The following CEP85L variants were observed in gnomAD, a reference collection of about 807,000 sequenced individuals.
CEP85L encodes centrosomal protein of 85 kDa-like.
Under a neutral mutation model 100.3 loss-of-function variants are expected in CEP85L, and 60 were observed. The observed-to-expected ratio is 0.60, with a 90% CI of 0.49 to 0.74. CEP85L has a LOEUF of 0.74. CEP85L is among the 30% of genes least tolerant of loss of function. The pLI is 0.00. For synonymous variants in CEP85L, 319 were observed against 322.7 expected (o/e 0.99, Z 0.12); for missense variants, 973 against 936.2 (o/e 1.04, Z -0.51).
At chr6:118,582,398 C>A (rs1052381124) in intron 2 of CEP85L, among the ~76,000 whole-genome samples, 3 of 152,184 alleles carry the variant, frequency 2.0e-5, no homozygotes, top group African/African-American at 7.2e-5. Context: ...AAGTCAGACC[C>A]TCACTGGGGC....
Position 118,483,657 on chromosome 6 carries a change from T to A in CEP85L, c.1590+49A>T, listed in dbSNP as rs141104866. The A allele has an allele frequency of 4.3e-3, 6,699 of 1,553,284 alleles. 22 individuals are homozygous for A. Among genetic ancestry groups the A allele is most frequent in the Non-Finnish European group, 4.9e-3 (5,590 of 1,146,332 alleles). Reference sequence around the variant, plus strand: ...AGTTAGCCAAATTTCTAGAGTCAAGTTAACATGTTTTCATGTCATTTAAAG... The same window carrying A: ...AGTTAGCCAAATTTCTAGAGTCAAGATAACATGTTTTCATGTCATTTAAAG... On this transcript the variant is annotated intron_variant, in intron 7 of 12. Coordinates refer to ENST00000368491, the MANE Select transcript of CEP85L (RefSeq NM_001042475.3).
At chr6:118,615,631 C>T (rs186915376) in intron 2 of CEP85L, among the ~76,000 whole-genome samples, 1 of 152,264 alleles carries the variant, frequency 6.6e-6, no homozygotes, top group African/African-American at 2.4e-5. Flanking sequence ...GGTTTTAGGC[C>T]ACTCCATATA....
chr6:118,687,643 C>T (rs1036122619), intron 1 of CEP85L, among the ~76,000 whole-genome samples: 2 of 152,188 alleles, frequency 1.3e-5, no homozygotes, highest in African/African-American at 4.8e-5. Flanking sequence ...ACAGCAACCC[C>T]CTTTGGGTCC....
chr6:118,648,387 CTTA>C (rs1775337304), intron 1 of CEP85L, among the ~76,000 whole-genome samples: 1 of 152,146 alleles, frequency 6.6e-6, no homozygotes, highest in South Asian at 2.1e-4. Context: ...TCAAACTACA[CTTA>C]TTATTCCTAT....
chr6:118,625,557 T>C (rs537423230), intron 2 of CEP85L, among the ~76,000 whole-genome samples: 47 of 152,290 alleles, frequency 3.1e-4, no homozygotes, highest in African/African-American at 1.1e-3. Flanking sequence ...ATTCTCTGAC[T>C]GGGGTGGCCC....
intron 5 of CEP85L, among the ~76,000 whole-genome samples, chr6:118,500,006 C>T (rs1319763939): frequency 6.6e-6 from 1 of 151,992 alleles, no homozygotes; most frequent in African/African-American, 2.4e-5. Context: ...AGAATCCATA[C>T]AAAAAAACTC....
At chr6:118,660,073 G>A (rs934468528) in intron 1 of CEP85L, among the ~76,000 whole-genome samples, 2 of 152,192 alleles carry the variant, frequency 1.3e-5, no homozygotes, top group African/African-American at 4.8e-5. Flanking sequence ...GTGTCTCCTT[G>A]TTTTCGTGGC....
rs142735277 is a variant in CEP85L at position 118,566,114 on chromosome 6, T to G, written c.435A>C (p.Leu145=). Reference sequence around the variant, plus strand: ...GAAGTGGCCGGAAGTCCTTCATGTCTAGGGAAGAGTCCTGCTCCCCCCTAC... The same window carrying G: ...GAAGTGGCCGGAAGTCCTTCATGTCGAGGGAAGAGTCCTGCTCCCCCCTAC... ...NHSRGEQDSS[L]DMKDFRPLRK... is the part of the protein sequence containing the mutation. Residue 145 remains leucine, a synonymous_variant, in exon 3 of 13, where the codon CTA becomes CTC. Coordinates refer to ENST00000368491, the MANE Select transcript of CEP85L (RefSeq NM_001042475.3). 595 of 1,614,206 alleles carry G rather than the reference T, an allele frequency of 3.7e-4. 1 individual carries two copies. In the African/African-American group the frequency reaches 7.3e-3, roughly 20 times the overall value.
At chr6:118,498,121 C>G (rs899634174) in intron 5 of CEP85L, among the ~76,000 whole-genome samples, 1 of 152,058 alleles carries the variant, frequency 6.6e-6, no homozygotes, top group Non-Finnish European at 1.5e-5. Context: ...TAAATGAAAA[C>G]TATAGGGCAA....
intron 2 of CEP85L, among the ~76,000 whole-genome samples, chr6:118,623,521 T>A (rs1380207891): frequency 6.6e-6 from 1 of 152,114 alleles, no homozygotes; most frequent in Non-Finnish European, 1.5e-5. Context: ...GAATACAATA[T>A]CACCTTCACT....
At chr6:118,647,795 CA>C (rs1239336107) in intron 1 of CEP85L, among the ~76,000 whole-genome samples, 3 of 152,170 alleles carry the variant, frequency 2.0e-5, no homozygotes, top group South Asian at 2.1e-4. Flanking sequence ...ATCCTTCATC[CA>C]ACTTGAAACC....
chr6:118,683,883 T>C (rs186380251), intron 1 of CEP85L, among the ~76,000 whole-genome samples: 1 of 152,352 alleles, frequency 6.6e-6, no homozygotes, highest in East Asian at 1.9e-4. Flanking sequence ...GGCCTTTTTT[T>C]CTGGTAGCCT....
intron 3 of CEP85L, among the ~76,000 whole-genome samples, chr6:118,550,358 T>C (rs1052925197): frequency 6.6e-6 from 1 of 151,794 alleles, no homozygotes; most frequent in African/African-American, 2.4e-5. Flanking sequence ...TCATTACACA[T>C]GTACACTAAA....
chr6:118,593,750 C>T (rs1372305540), intron 2 of CEP85L, among the ~76,000 whole-genome samples: 2 of 151,436 alleles, frequency 1.3e-5, no homozygotes, highest in African/African-American at 4.8e-5. Context: ...TTGTCTTTTT[C>T]CTGTCTCTTT....
chr6:118,517,416 C>T (rs993129351), intron 4 of CEP85L, among the ~76,000 whole-genome samples: 1 of 152,110 alleles, frequency 6.6e-6, no homozygotes, highest in Non-Finnish European at 1.5e-5. Flanking sequence ...TTTCTTATTG[C>T]CTTGAGCAGT....
intron 2 of CEP85L, among the ~76,000 whole-genome samples, chr6:118,622,903 A>G (rs1773543430): frequency 6.6e-6 from 1 of 152,224 alleles, no homozygotes; most frequent in Non-Finnish European, 1.5e-5. Flanking sequence ...AGAAGTGCCC[A>G]TGGAAGGACC....
At chr6:118,582,802 A>T (rs1245371223) in intron 2 of CEP85L, among the ~76,000 whole-genome samples, 1 of 152,206 alleles carries the variant, frequency 6.6e-6, no homozygotes, top group Admixed American at 6.5e-5. Context: ...AGTTTATTAC[A>T]CAGTCAGCTC....
chr6:118,702,292 C>T (rs1777440772), intron 1 of CEP85L, among the ~76,000 whole-genome samples: 1 of 152,142 alleles, frequency 6.6e-6, no homozygotes, highest in African/African-American at 2.4e-5. Flanking sequence ...GGGAGGATTG[C>T]TTGAGCCCAG....
intron 3 of CEP85L, among the ~76,000 whole-genome samples, chr6:118,530,497 A>G (rs1485794817): frequency 6.6e-5 from 10 of 152,104 alleles, no homozygotes. Context: ...CCTATTCAAC[A>G]TATTACTGGA....
Sources: gnomAD v4.1 joint callset for allele counts (sites outside exome capture counted in the v4.1 genomes callset) on GRCh38, gnomAD v4.1.1 for gene constraint, MANE v1.5 for transcripts, NCBI Gene and HGNC (gene_info 2026-07-23, HGNC 2026-07-21) for gene names.